Variants in TTYH1 observed in about 807,000 individuals in gnomAD.
TTYH1 encodes the protein tweety family member 1, also known as protein tweety homolog 1.
TTYH1 carries 33 observed loss-of-function variants against 61.2 expected under a neutral mutation model. That is an observed-to-expected ratio of 0.54 (90% CI 0.41 to 0.72). The LOEUF (loss-of-function observed/expected upper bound fraction) is 0.72. Among genes scored for constraint, TTYH1 ranks in the 30% least tolerant of loss-of-function variants. TTYH1 has a pLI of 0.00. For synonymous variants in TTYH1, 308 were observed against 266.4 expected (o/e 1.16, Z -1.52); for missense variants, 538 against 575.8 (o/e 0.93, Z 0.67).
In TTYH1 at chr19:54,436,495, C is replaced by A; in HGVS notation, c.*205C>A. The A allele has an allele frequency of 9.2e-7, 1 of 1,091,654 alleles. No homozygotes were observed. Among genetic ancestry groups the A allele is most frequent in the Non-Finnish European group, 1.4e-6 (1 of 727,516 alleles). The allele number at this position is 1,091,654 out of a possible 1,614,324, so 67.6% of individuals were successfully genotyped here. On this transcript the variant is annotated 3_prime_UTR_variant, in exon 14 of 14. Coordinates refer to ENST00000376530, the MANE Select transcript of TTYH1 (RefSeq NM_020659.4). This position sits in a 1 kb window ranked among gnomAD's most constrained non-coding sequence, Gnocchi z 4.3. ...CCTTGGGAGTAGCTGAGGGGGCAGA[C>A]TAGGGAGTAGGGCTGGCAGGGGAGG...
Position 54,415,528 on chromosome 19 carries a change from C to T in TTYH1, c.-25C>T. ...AGGCTCCCGCAGCCCCGGCGTCCGC[C>T]CCGCTGCCCCCTCCCCCGGGGGCCA... On this transcript the variant is annotated 5_prime_UTR_variant, in exon 1 of 14. Coordinates refer to ENST00000376530, the MANE Select transcript of TTYH1 (RefSeq NM_020659.4). The surrounding 1 kb of genome is among the most constrained non-coding windows in gnomAD (Gnocchi z 5.2). 7.1e-7 allele frequency: 1 copy of T among 1,408,272 alleles called. No homozygotes were observed. The highest frequency in any genetic ancestry group is 9.2e-7 in the Non-Finnish European group (1 of 1,086,478). 87.2% of individuals were successfully genotyped at this position (1,408,272 alleles called of 1,614,324 possible).
chr19:54,417,401 CATT>C (rs1161650290), intron 1 of TTYH1, among the ~76,000 whole-genome samples: 10 of 151,678 alleles, frequency 6.6e-5, no homozygotes, highest in African/African-American at 2.4e-4. Flanking sequence ...CACCTACTCT[CATT>C]ACACACTCAC....
At position 54,416,168 on chromosome 19, in the gene TTYH1, C is replaced by A; in HGVS notation, c.126+490C>A. On this transcript the variant is annotated intron_variant, in intron 1 of 13. Coordinates refer to ENST00000376530, the MANE Select transcript of TTYH1 (RefSeq NM_020659.4). This position sits in a 1 kb window ranked among gnomAD's most constrained non-coding sequence, Gnocchi z 7.0. ...GCGGTGCTGGGATGGGATTGAGAGT[C>A]TGAAATGGGGAAGGGGGCTTCAGGG... 1.1e-6 allele frequency: 1 copy of A among 923,346 alleles called. No homozygotes were observed. Among genetic ancestry groups the A allele is most frequent in the Non-Finnish European group, 1.5e-6 (1 of 646,334 alleles). The allele number at this position is 923,346 out of a possible 1,614,324, so 57.2% of individuals were successfully genotyped here. A position where few individuals can be genotyped will look rare whatever the true frequency, so the allele number is the denominator to read the frequency against.
Position 54,420,030 on chromosome 19 carries a change from T to C in TTYH1, c.305+724T>C, listed in dbSNP as rs114440226. Reference sequence around the variant, plus strand: ...GGAAGGCTCAGGGACAGAGGGGAGGTCACCTTTCAAGGCCACGTGGCTTAA... The same window carrying C: ...GGAAGGCTCAGGGACAGAGGGGAGGCCACCTTTCAAGGCCACGTGGCTTAA... On this transcript the variant is annotated intron_variant, in intron 2 of 13. Transcript: ENST00000376530. The surrounding 1 kb of genome is among the most constrained non-coding windows in gnomAD (Gnocchi z 4.8). 0.014 allele frequency among the ~76,000 whole-genome samples: 2,094 copies of C among 150,910 alleles called. 38 individuals carry two copies. The highest frequency in any genetic ancestry group is 0.046 in the African/African-American group (1,883 of 40,944).
In TTYH1 at chr19:54,426,007, C is replaced by T. The variant is rs1021716027; in HGVS notation, c.639-666C>T. ...CGCGGATTACAGGCGTGAGCCACCT[C>T]GCCCGGCCAAGTATTAACTATTAAC... On this transcript the variant is annotated intron_variant, in intron 4 of 13. Coordinates refer to ENST00000376530, the MANE Select transcript of TTYH1 (RefSeq NM_020659.4). 2.4e-4 allele frequency among the ~76,000 whole-genome samples: 36 copies of T among 152,312 alleles called. 2 individuals carry two copies. Among genetic ancestry groups the T allele is most frequent in the African/African-American group, 9.6e-5 (4 of 41,574 alleles).
intron 5 of TTYH1, among the ~76,000 whole-genome samples, chr19:54,427,091 G>T (rs1049770490): frequency 1.3e-5 from 2 of 151,802 alleles, no homozygotes; most frequent in African/African-American, 4.8e-5. Flanking sequence ...GAGGTCAGGA[G>T]TTTGAGACCA....
At chr19:54,428,079 GTTTTTTTTT>G (rs936820982) in intron 5 of TTYH1, among the ~76,000 whole-genome samples, 5 of 62,460 alleles carry the variant, frequency 8.0e-5, no homozygotes, top group Non-Finnish European at 1.4e-4. Flanking sequence ...TCCCGGCTAA[GTTTTTTTTT>G]TTTTTTTTTT....
Position 54,421,194 on chromosome 19 carries a change from G to A in TTYH1, c.306-83G>A. 1 of 857,800 alleles carries A rather than the reference G, an allele frequency of 1.2e-6. No homozygotes were observed. Among genetic ancestry groups the A allele is most frequent in the Non-Finnish European group, 1.9e-6 (1 of 514,528 alleles). 53.1% of individuals were successfully genotyped at this position (857,800 alleles called of 1,614,324 possible). On this transcript the variant is annotated intron_variant, in intron 2 of 13. Transcript: ENST00000376530. The surrounding 1 kb of genome is among the most constrained non-coding windows in gnomAD (Gnocchi z 4.8). ...TGGGAGGGGTGGATAAGAAGGCGAG[G>A]TGGAGGGGATGGGGTGGGAGGGGAC...
At chr19:54,431,988 G>C (rs1251149574) in intron 10 of TTYH1, 1 of 152,214 alleles carries the variant, frequency 6.6e-6, no homozygotes, top group South Asian at 2.1e-4. Flanking sequence ...GGGAGGCCCA[G>C]GCGGGTGGAT....
At chr19:54,433,401 T>C (rs1393581538) in intron 10 of TTYH1, 2 of 145,260 alleles carry the variant, frequency 1.4e-5, no homozygotes, top group East Asian at 4.1e-4. Context: ...CTACTAAAAA[T>C]ACAAAAAAAC....
At chr19:54,422,503 G>A in intron 4 of TTYH1, 93 bp downstream of exon 4, 1 of 1,148,794 alleles carries the variant, frequency 8.7e-7, no homozygotes, top group Non-Finnish European at 1.2e-6. Context: ...AGTTTTGGTT[G>A]TGACAGCTGG....
rs1054592416 is a variant in TTYH1, at chr19:54,416,688, T to G, written c.126+1010T>G. On this transcript the variant is annotated intron_variant, in intron 1 of 13. Coordinates refer to ENST00000376530, the MANE Select transcript of TTYH1 (RefSeq NM_020659.4). The surrounding 1 kb of genome is among the most constrained non-coding windows in gnomAD (Gnocchi z 7.0). ...AGGGGATGAGTGCTGTGTTCTGAGC[T>G]ATTTGGGTCACGGCTGGCACAGCCC... The G allele has an allele frequency of 8.2e-7, 1 of 1,214,302 alleles. No individual in the cohort carries two copies. Among genetic ancestry groups the G allele is most frequent in the Non-Finnish European group, 1.1e-6 (1 of 926,654 alleles). The allele number at this position is 1,214,302 out of a possible 1,614,324, so 75.2% of individuals were successfully genotyped here.
chr19:54,423,626 G>A (rs186576044), intron 4 of TTYH1, among the ~76,000 whole-genome samples: 3 of 152,270 alleles, frequency 2.0e-5, no homozygotes, highest in East Asian at 3.9e-4. Context: ...AATGGGAATC[G>A]GGGCAGCGTC....
At position 54,419,547 on chromosome 19, in the gene TTYH1, G is replaced by A; in HGVS notation, c.305+241G>A. On this transcript the variant is annotated intron_variant, in intron 2 of 13. Coordinates refer to ENST00000376530, the MANE Select transcript of TTYH1 (RefSeq NM_020659.4). The surrounding 1 kb of genome is among the most constrained non-coding windows in gnomAD (Gnocchi z 6.1). ...TGAATCAAGGGCAGCCATCTGGTGA[G>A]AAGGCGCAGGGGCAGTCAGATGGCC... is the stretch of plus-strand genomic sequence containing the variant. The A allele has an allele frequency of 1.4e-6, 1 of 697,520 alleles. No individual in the cohort carries two copies. The highest frequency in any genetic ancestry group is 2.6e-6 in the Non-Finnish European group (1 of 383,326). 43.2% of individuals were successfully genotyped at this position (697,520 alleles called of 1,614,324 possible).
Position 54,419,272 on chromosome 19 carries a change from A to G in TTYH1, c.271A>G (p.Thr91Ala). ...KIPSPGGGCV[T>A]WSCIVALLAG... ...CCCCTCGCCCGGGGGAGGCTGCGTC[A>G]CCTGGAGCTGCATTGTCGCCCTTCT... is the stretch of plus-strand genomic sequence containing the variant. Residue 91 changes from threonine to alanine, a missense_variant, in exon 2 of 14, where the codon ACC (threonine) becomes GCC (alanine). Thr to Ala is a moderately conservative substitution (Grantham distance 58). This residue lies in a region of TTYH1 where 157 missense variants were observed against 157.0 expected (regional missense o/e 1.00). Coordinates refer to ENST00000376530, the MANE Select transcript of TTYH1 (RefSeq NM_020659.4). The surrounding 1 kb of genome is among the most constrained non-coding windows in gnomAD (Gnocchi z 6.1). The G allele has an allele frequency of 1.3e-6, 2 of 1,592,190 alleles. No homozygotes were observed. Among genetic ancestry groups the G allele is most frequent in the Non-Finnish European group, 1.7e-6 (2 of 1,173,482 alleles).
In TTYH1 at chr19:54,429,430, A is replaced by G. The variant is rs753670587; in HGVS notation, c.807+51A>G. Reference sequence around the variant, plus strand: ...GCTCTGGGACTCAGGGGGCCTGGAGACTTCAACTTCTGGATCTCGGGATGG... The same window carrying G: ...GCTCTGGGACTCAGGGGGCCTGGAGGCTTCAACTTCTGGATCTCGGGATGG... On this transcript the variant is annotated intron_variant, in intron 6 of 13. Coordinates refer to ENST00000376530, the MANE Select transcript of TTYH1 (RefSeq NM_020659.4). The surrounding 1 kb of genome is among the most constrained non-coding windows in gnomAD (Gnocchi z 5.1). 1.3e-6 allele frequency: 2 copies of G among 1,532,622 alleles called. No homozygotes were observed. Among genetic ancestry groups the G allele is most frequent in the Non-Finnish European group, 1.8e-6 (2 of 1,110,518 alleles). 94.9% of individuals were successfully genotyped at this position (1,532,622 alleles called of 1,614,324 possible).
chr19:54,426,498 T>C, intron 4 of TTYH1, 175 bp from the exon 5 acceptor site: 1 of 633,282 alleles, frequency 1.6e-6, no homozygotes, highest in South Asian at 1.9e-5. Flanking sequence ...TAACACTATT[T>C]CACAGAGGAC....
Position 54,421,270 on chromosome 19 carries a change from C to T in TTYH1, c.306-7C>T, listed in dbSNP as rs192968977. 3.6e-5 allele frequency: 57 copies of T among 1,599,776 alleles called. No individual in the cohort carries two copies. The highest frequency in any genetic ancestry group is 1.9e-4 in the African/African-American group (14 of 74,740). ...GCTGAGATTCCTCTCCCTCCTCCTCCGCTCAGCACTGGCATTGGCATCGGT... is the reference window on the plus strand; with the variant it reads ...GCTGAGATTCCTCTCCCTCCTCCTCTGCTCAGCACTGGCATTGGCATCGGT... On this transcript the variant is annotated splice_region_variant and splice_polypyrimidine_tract_variant and intron_variant, in intron 2 of 13. Coordinates refer to ENST00000376530, the MANE Select transcript of TTYH1 (RefSeq NM_020659.4). This position sits in a 1 kb window ranked among gnomAD's most constrained non-coding sequence, Gnocchi z 4.8.
intron 4 of TTYH1, among the ~76,000 whole-genome samples, chr19:54,423,025 C>T (rs2083251709): frequency 6.6e-6 from 1 of 151,584 alleles, no homozygotes; most frequent in Non-Finnish European, 1.5e-5. Context: ...CATGTCCTCA[C>T]CCATTCACTC....
Sources: allele counts gnomAD v4.1 joint callset (sites outside exome capture counted in the v4.1 genomes callset), GRCh38; gene constraint gnomAD v4.1.1; regional missense constraint gnomAD v4.1.1; non-coding constraint Gnocchi (gnomAD v3.1); transcripts MANE v1.5; gene names NCBI Gene and HGNC (gene_info 2026-07-23, HGNC 2026-07-21).